Variants in DPP10 observed in about 807,000 individuals in gnomAD.
DPP10 encodes the protein dipeptidyl peptidase like 10, also known as inactive dipeptidyl peptidase 10.
In DPP10, 33 loss-of-function variants were observed where a neutral mutation model predicts 120.9. That is an observed-to-expected ratio of 0.27 (90% CI 0.21 to 0.37). The LOEUF is 0.37. DPP10 is among the 10% of genes least tolerant of loss of function. The pLI is 1.00. For missense variants in DPP10, 816 were observed against 942.8 expected, an observed-to-expected ratio of 0.87 and a Z score of 1.76; for synonymous variants, 337 against 326.1, an observed-to-expected ratio of 1.03 and a Z score of -0.36.
intron 1 of DPP10, among the ~76,000 whole-genome samples, chr2:114,867,751 T>C (rs1055484571): frequency 4.6e-5 from 7 of 152,196 alleles, no homozygotes; most frequent in Admixed American, 2.0e-4. Context: ...GTAGATTTCC[T>C]TTTTTCCTTC....
intron 1 of DPP10, among the ~76,000 whole-genome samples, chr2:114,578,396 G>A (rs1690230373): frequency 6.6e-6 from 1 of 151,946 alleles, no homozygotes; most frequent in Non-Finnish European, 1.5e-5. Flanking sequence ...GTTACATTGG[G>A]CATTTCACAT....
intron 1 of DPP10, among the ~76,000 whole-genome samples, chr2:115,068,808 T>A (rs970342222): frequency 2.0e-5 from 3 of 152,128 alleles, no homozygotes; most frequent in Non-Finnish European, 4.4e-5. Context: ...TTTCCCAACA[T>A]CTTTATTGAA....
chr2:115,439,306 G>A (rs1258840440), intron 3 of DPP10, among the ~76,000 whole-genome samples: 3 of 152,082 alleles, frequency 2.0e-5, no homozygotes, highest in Non-Finnish European at 4.4e-5. Flanking sequence ...TGGCTAAGAT[G>A]GTCTGGGGAG....
At chr2:115,123,671 A>G (rs1456719145) in intron 1 of DPP10, among the ~76,000 whole-genome samples, 9 of 152,070 alleles carry the variant, frequency 5.9e-5, no homozygotes. Context: ...GCTGAGACCA[A>G]TTATTATTTT....
intron 1 of DPP10, among the ~76,000 whole-genome samples, chr2:115,028,719 C>A (rs1168835218): frequency 6.6e-6 from 1 of 152,046 alleles, no homozygotes; most frequent in African/African-American, 2.4e-5. Context: ...CTAATGTTTA[C>A]TTTGTACACA....
chr2:115,139,724 TAAAAAAAAAAAAA>T (rs55826687), intron 1 of DPP10, among the ~76,000 whole-genome samples: 3 of 56,620 alleles, frequency 5.3e-5, no homozygotes, highest in East Asian at 7.0e-4. Context: ...GTAAAAATAC[TAAAAAAAAAAAAA>T]AAAAAAAAAA....
chr2:115,672,680 C>CTCTTTCTTTCTTTT (rs1553475965), intron 5 of DPP10, among the ~76,000 whole-genome samples: 3 of 113,264 alleles, frequency 2.6e-5, no homozygotes, highest in Non-Finnish European at 5.3e-5. Flanking sequence ...CTCTTTCTTT[C>CTCTTTCTTTCTTTT]TCTTTCTTTC....
chr2:115,749,337 A>C (rs2149731875), intron 10 of DPP10, among the ~76,000 whole-genome samples: 1 of 152,100 alleles, frequency 6.6e-6, no homozygotes. Context: ...CTGAAGAGTA[A>C]AAGTAATGAT....
At chr2:114,976,398 A>G (rs1209337715) in intron 1 of DPP10, among the ~76,000 whole-genome samples, 1 of 152,150 alleles carries the variant, frequency 6.6e-6, no homozygotes, top group Non-Finnish European at 1.5e-5. Flanking sequence ...AGTTATTTTA[A>G]TGTATTTCTT....
chr2:115,076,874 T>C (rs1180108645), intron 1 of DPP10, among the ~76,000 whole-genome samples: 2 of 152,252 alleles, frequency 1.3e-5, no homozygotes, highest in Admixed American at 6.5e-5. Context: ...GATATTTCTT[T>C]CTTGCTGTAG....
intron 1 of DPP10, among the ~76,000 whole-genome samples, chr2:114,917,005 A>G (rs988661760): frequency 6.6e-5 from 10 of 152,194 alleles, no homozygotes; most frequent in Non-Finnish European, 1.5e-4. Flanking sequence ...AAGTCATCCG[A>G]ATAGGAAGAG....
intron 1 of DPP10, among the ~76,000 whole-genome samples, chr2:114,755,104 T>C (rs1679605152): frequency 6.6e-6 from 1 of 152,254 alleles, no homozygotes; most frequent in Admixed American, 6.5e-5. Context: ...TTGGATATTT[T>C]GTTTCTGAAG....
chr2:115,731,938 A>G (rs2092921130), intron 8 of DPP10, among the ~76,000 whole-genome samples: 3 of 152,168 alleles, frequency 2.0e-5, no homozygotes, highest in Admixed American at 2.0e-4. Context: ...CAAGAGTCCT[A>G]CATGCACCTT....
At chr2:115,751,181 T>C (rs1678659177) in intron 10 of DPP10, among the ~76,000 whole-genome samples, 1 of 152,226 alleles carries the variant, frequency 6.6e-6, no homozygotes, top group African/African-American at 2.4e-5. Context: ...GCACTTATTT[T>C]CTGATTATTT....
chr2:115,077,934 T>C (rs975885309), intron 1 of DPP10, among the ~76,000 whole-genome samples: 1 of 152,250 alleles, frequency 6.6e-6, no homozygotes, highest in Non-Finnish European at 1.5e-5. Flanking sequence ...CCAGTTTCTG[T>C]TGAAGCCTCT....
intron 1 of DPP10, among the ~76,000 whole-genome samples, chr2:114,502,349 A>G (rs1026744045): frequency 6.6e-6 from 1 of 152,188 alleles, no homozygotes; most frequent in Non-Finnish European, 1.5e-5. Context: ...GCATTTTTCA[A>G]ACATTTAAAC....
intron 1 of DPP10, among the ~76,000 whole-genome samples, chr2:114,904,692 A>AAGATCCAATG (rs1246203235): frequency 6.6e-6 from 1 of 152,248 alleles, no homozygotes; most frequent in African/African-American, 2.4e-5. Flanking sequence ...ACTGAAGGGA[A>AAGATCCAATG]CAAAGATAAG....
chr2:115,569,070 A>G (rs76591778), intron 5 of DPP10, among the ~76,000 whole-genome samples: 2,507 of 152,296 alleles, frequency 0.016, 69 homozygotes, highest in African/African-American at 0.058. Flanking sequence ...TCTTACATGG[A>G]TACTTTGCAA....
At chr2:115,041,819 G>A (rs1001251900) in intron 1 of DPP10, among the ~76,000 whole-genome samples, 3 of 152,066 alleles carry the variant, frequency 2.0e-5, no homozygotes, top group Non-Finnish European at 2.9e-5. Flanking sequence ...ATGACTTTGA[G>A]TAATGTTGTG....
Sources: gnomAD v4.1 joint callset for allele counts (sites outside exome capture counted in the v4.1 genomes callset) on GRCh38, gnomAD v4.1.1 for gene constraint, MANE v1.5 for transcripts, NCBI Gene and HGNC (gene_info 2026-07-23, HGNC 2026-07-21) for gene names.